GLDC: variants seen among roughly 807,000 people sequenced by gnomAD.
GLDC encodes glycine decarboxylase.
In GLDC, 104 loss-of-function variants were observed where a neutral mutation model predicts 121.3. The ratio of observed to expected loss-of-function variants is 0.86; its 90% CI spans 0.73 to 1.01. The LOEUF (loss-of-function observed/expected upper bound fraction) is 1.01. Ranked by LOEUF, GLDC falls within the 50% of genes least tolerant of loss-of-function variation. GLDC has a pLI of 0.00. For synonymous variants in GLDC, 546 were observed against 480.6 expected (o/e 1.14, Z -1.78); for missense variants, 1,429 against 1,306.6 (o/e 1.09, Z -1.44).
intron 15 of GLDC, among the ~76,000 whole-genome samples, chr9:6,572,450 T>G (rs1001658774): frequency 2.6e-5 from 4 of 152,190 alleles, no homozygotes; most frequent in Non-Finnish European, 1.5e-5. Flanking sequence ...TTTCAGTGGC[T>G]TTATTATCTG....
At chr9:6,589,072 T>C in intron 12 of GLDC, 123 bp downstream of exon 12, 1 of 759,900 alleles carries the variant, frequency 1.3e-6, no homozygotes, top group Non-Finnish European at 2.4e-6. Flanking sequence ...ATGAAATACT[T>C]GGGAGCCACG....
intron 22 of GLDC, among the ~76,000 whole-genome samples, chr9:6,538,031 G>T (rs1039105298): frequency 6.6e-6 from 1 of 152,106 alleles, no homozygotes; most frequent in Non-Finnish European, 1.5e-5. Flanking sequence ...AAAACTTACA[G>T]TGAAATGCAC....
chr9:6,585,490 A>C (rs1339970989), intron 15 of GLDC, among the ~76,000 whole-genome samples: 1 of 152,240 alleles, frequency 6.6e-6, no homozygotes, highest in Non-Finnish European at 1.5e-5. Flanking sequence ...CTATTTATGA[A>C]GTGAGACTTT....
At chr9:6,600,793 T>C (rs1818593634) in intron 8 of GLDC, among the ~76,000 whole-genome samples, 1 of 151,996 alleles carries the variant, frequency 6.6e-6, no homozygotes, top group African/African-American at 2.4e-5. Flanking sequence ...CACTTCGACC[T>C]AAGCCCTGGA....
intron 21 of GLDC, among the ~76,000 whole-genome samples, chr9:6,550,316 C>T (rs1274762697): frequency 6.6e-6 from 1 of 152,076 alleles, no homozygotes; most frequent in Non-Finnish European, 1.5e-5. Flanking sequence ...ATAGTAATGC[C>T]CCTAAACAGT....
intron 16 of GLDC, 42 bp from the exon 17 acceptor site, chr9:6,558,726 T>G: frequency 6.2e-7 from 1 of 1,611,236 alleles, no homozygotes; most frequent in Non-Finnish European, 8.5e-7. Context: ...AAAATCATCA[T>G]CAGACTATGA....
intron 16 of GLDC, among the ~76,000 whole-genome samples, chr9:6,562,634 A>C (rs1269691756): frequency 6.6e-6 from 1 of 152,176 alleles, no homozygotes; most frequent in Non-Finnish European, 1.5e-5. Flanking sequence ...ATCTCAGCTC[A>C]CTGCAACCTC....
chr9:6,595,305 C>T (rs1048522090), intron 8 of GLDC, among the ~76,000 whole-genome samples, 186 bp from the exon 9 acceptor site: 1 of 152,176 alleles, frequency 6.6e-6, no homozygotes, highest in Non-Finnish European at 1.5e-5. Flanking sequence ...GAACCATCAT[C>T]CAAGACACCC....
At chr9:6,632,693 C>CCCT in intron 2 of GLDC, among the ~76,000 whole-genome samples, 1 of 152,330 alleles carries the variant, frequency 6.6e-6, no homozygotes, top group Middle Eastern at 3.4e-3. Flanking sequence ...TCAGCCCGGG[C>CCCT]CCTCACTCCC....
At chr9:6,543,388 G>T (rs544506361) in intron 21 of GLDC, among the ~76,000 whole-genome samples, 3 of 152,112 alleles carry the variant, frequency 2.0e-5, no homozygotes, top group Non-Finnish European at 4.4e-5. Flanking sequence ...GAGACACAGT[G>T]GGGGAGGAGG....
intron 2 of GLDC, among the ~76,000 whole-genome samples, chr9:6,630,117 G>A (rs1044977624): frequency 6.6e-6 from 1 of 151,030 alleles, no homozygotes. Context: ...GTGCTTTTGA[G>A]TTTTGAACAA....
intron 17 of GLDC, among the ~76,000 whole-genome samples, chr9:6,556,725 T>C (rs1587925342): frequency 6.7e-6 from 1 of 149,402 alleles, no homozygotes; most frequent in South Asian, 2.1e-4. Context: ...ACCGGTGAGG[T>C]GGAGGTTGTA....
intron 8 of GLDC, among the ~76,000 whole-genome samples, chr9:6,598,643 C>A (rs1818538907): frequency 6.6e-6 from 1 of 152,138 alleles, no homozygotes; most frequent in Non-Finnish European, 1.5e-5. Flanking sequence ...TGCATGCTCA[C>A]AAAGAGTGAA....
chr9:6,639,487 T>A (rs1258940606), intron 2 of GLDC: 1 of 880,908 alleles, frequency 1.1e-6, no homozygotes, highest in Non-Finnish European at 1.9e-6. Flanking sequence ...GTGAAGAAGC[T>A]CTATGACAAT....
intron 2 of GLDC, among the ~76,000 whole-genome samples, chr9:6,636,355 T>C (rs1050995182): frequency 2.6e-5 from 4 of 151,880 alleles, no homozygotes; most frequent in African/African-American, 9.7e-5. Flanking sequence ...GTAGGTTCAA[T>C]TGTAGCAAAT....
intron 18 of GLDC, among the ~76,000 whole-genome samples, chr9:6,555,319 T>G (rs562446574): frequency 2.6e-5 from 4 of 152,228 alleles, no homozygotes; most frequent in Non-Finnish European, 5.9e-5. Flanking sequence ...ATACCAGGCA[T>G]GCCATCCCAC....
At chr9:6,609,011 C>G (rs562471031) in intron 4 of GLDC, among the ~76,000 whole-genome samples, 2 of 152,232 alleles carry the variant, frequency 1.3e-5, no homozygotes, top group Admixed American at 6.5e-5. Context: ...ATGGAGCTCA[C>G]TCCCCACCCC....
At chr9:6,639,669 G>GTATATATATATATATGTATA (rs1819588834) in intron 2 of GLDC, 1 of 212,444 alleles carries the variant, frequency 4.7e-6, no homozygotes, top group African/African-American at 3.3e-5. Context: ...TAAAAAAAAA[G>GTATATATATATATATGTATA]TATATATATA....
chr9:6,558,609 C>T lies in GLDC; in HGVS notation c.2002G>A (p.Val668Met). ...ATATTCCCATATTTATCCACCTCCA[C>T]AGGCTGAATCTTCATGCCTGCCATG... ...AHMAGMKIQP[V>M]EVDKYGNIDA... The change falls in exon 17 of 25, where the codon GTG becomes ATG. Residue 668 changes from valine (V) to methionine (M), a missense_variant. Transcript: ENST00000321612. 9.3e-6 allele frequency: 15 copies of T among 1,614,206 alleles called. No homozygotes were observed. The highest frequency in any genetic ancestry group is 1.3e-5 in the Non-Finnish European group (15 of 1,180,000).
Sources: allele counts gnomAD v4.1 joint callset (sites outside exome capture counted in the v4.1 genomes callset), GRCh38; gene constraint gnomAD v4.1.1; transcripts MANE v1.5; gene names NCBI Gene and HGNC (gene_info 2026-07-23, HGNC 2026-07-21).